Variants in PEAK1 observed in about 807,000 individuals in gnomAD.
The protein encoded by PEAK1 is inactive tyrosine-protein kinase PEAK1.
Under a neutral mutation model 124.7 loss-of-function variants are expected in PEAK1, and 54 were observed. The observed-to-expected ratio is 0.43, with a 90% CI of 0.35 to 0.54. PEAK1 has a LOEUF of 0.54. Among genes scored for constraint, PEAK1 ranks in the 20% least tolerant of loss-of-function variants. The probability of loss-of-function intolerance (pLI) is 0.01; values close to 1 mark genes in which losing one functional copy is unlikely to be tolerated. For synonymous variants in PEAK1, 719 were observed against 760.0 expected, an observed-to-expected ratio of 0.95 and a Z score of 0.89; for missense variants, 2,046 against 2,134.5, an observed-to-expected ratio of 0.96 and a Z score of 0.82.
intron 2 of PEAK1, among the ~76,000 whole-genome samples, chr15:77,295,352 T>C (rs1241969233): frequency 1.3e-5 from 2 of 152,200 alleles, no homozygotes; most frequent in Non-Finnish European, 1.5e-5. Context: ...AAAAAGACAT[T>C]TTAAAACAAA....
At chr15:77,258,542 G>A (rs1310066540) in intron 5 of PEAK1, among the ~76,000 whole-genome samples, 2 of 152,140 alleles carry the variant, frequency 1.3e-5, no homozygotes, top group Admixed American at 6.5e-5. Flanking sequence ...TGTTATTGGT[G>A]TATAAGAATG....
chr15:77,226,048 T>TATATATA (rs2059635759), intron 6 of PEAK1, among the ~76,000 whole-genome samples: 1 of 45,012 alleles, frequency 2.2e-5, no homozygotes, highest in Non-Finnish European at 4.6e-5. Context: ...TAAAGGGATA[T>TATATATA]ATATATATAT....
chr15:77,405,766 C>G (rs1405364689), intron 1 of PEAK1, among the ~76,000 whole-genome samples: 1 of 152,046 alleles, frequency 6.6e-6, no homozygotes, highest in Non-Finnish European at 1.5e-5. Context: ...CTGACAACTA[C>G]AAGTTGCATT....
At chr15:77,417,767 T>C in intron 1 of PEAK1, 1 of 985,382 alleles carries the variant, frequency 1.0e-6, no homozygotes, top group Non-Finnish European at 1.2e-6. Flanking sequence ...ATGAAGCAAA[T>C]GCTAATCTCA....
chr15:77,265,971 T>C (rs543043091), intron 5 of PEAK1, among the ~76,000 whole-genome samples: 27 of 152,156 alleles, frequency 1.8e-4, no homozygotes, highest in African/African-American at 4.1e-4. Context: ...ATGGATGAAA[T>C]TGGAAATCAT....
intron 5 of PEAK1, among the ~76,000 whole-genome samples, chr15:77,256,417 A>C (rs1280461398): frequency 1.3e-5 from 2 of 152,088 alleles, no homozygotes; most frequent in Non-Finnish European, 2.9e-5. Context: ...GGTAAAAAAA[A>C]AAAAATCATA....
chr15:77,304,512 G>C (rs1317105797), intron 2 of PEAK1, among the ~76,000 whole-genome samples: 2 of 141,744 alleles, frequency 1.4e-5, no homozygotes, highest in Non-Finnish European at 3.0e-5. Flanking sequence ...AAAGTGGCGC[G>C]ATCTCTGCTC....
At chr15:77,176,997 G>A (rs748067016) in intron 7 of PEAK1, among the ~76,000 whole-genome samples, 28 of 151,636 alleles carry the variant, frequency 1.8e-4, no homozygotes, top group Non-Finnish European at 3.5e-4. Context: ...CACTCTTTTT[G>A]CCCAGGCTGG....
At chr15:77,292,562 T>C (rs2063277984) in intron 2 of PEAK1, among the ~76,000 whole-genome samples, 1 of 151,418 alleles carries the variant, frequency 6.6e-6, no homozygotes, top group Non-Finnish European at 1.5e-5. Flanking sequence ...TTGTTTATAG[T>C]ATAAGAACCG....
In PEAK1 at chr15:77,273,114, C is replaced by T. The variant is rs118170276; in HGVS notation, c.-275+10769G>A. 4.6e-3 allele frequency among the ~76,000 whole-genome samples: 697 copies of T among 152,160 alleles called. 14 individuals are homozygous for T. In the East Asian group the frequency reaches 0.048, roughly 10 times the overall value. ...CAAAATTCGTAAAGAAGGAACATAC[C>T]TTAAGGTAATAAAAGCCATCTATGA... On this transcript the variant is annotated intron_variant, in intron 5 of 9. Coordinates refer to ENST00000682557, the MANE Select transcript of PEAK1 (RefSeq NM_001385026.1).
At chr15:77,409,033 T>G (rs949887707) in intron 1 of PEAK1, among the ~76,000 whole-genome samples, 1 of 152,162 alleles carries the variant, frequency 6.6e-6, no homozygotes, top group Non-Finnish European at 1.5e-5. Flanking sequence ...ATCATGCCAC[T>G]GCACTCCAGC....
In PEAK1 at chr15:77,264,235, G is replaced by C. The variant is rs894683934; in HGVS notation, c.-274-11709C>G. Among the ~76,000 whole-genome samples, 3 of 152,144 alleles carry C rather than the reference G, an allele frequency of 2.0e-5. No individual in the cohort carries two copies. In the East Asian group the frequency reaches 5.8e-4, roughly 29 times the overall value. ...TCTCTCACCACTCCTATTCAACATA[G>C]TGTTGGAAGTTCTGGCCAGGGCAAT... On this transcript the variant is annotated intron_variant, in intron 5 of 9. Coordinates refer to ENST00000682557, the MANE Select transcript of PEAK1 (RefSeq NM_001385026.1).
chr15:77,137,293 C>T (rs1322100372), intron 8 of PEAK1, among the ~76,000 whole-genome samples: 1 of 152,214 alleles, frequency 6.6e-6, no homozygotes, highest in Non-Finnish European at 1.5e-5. Flanking sequence ...CCTAGTGGAG[C>T]TGTGAGAAGA....
At chr15:77,375,876 G>A (rs2068974075) in intron 1 of PEAK1, among the ~76,000 whole-genome samples, 1 of 152,060 alleles carries the variant, frequency 6.6e-6, no homozygotes, top group African/African-American at 2.4e-5. Context: ...GCGGGTGCCT[G>A]TAGTCCCAGC....
At chr15:77,300,128 T>C (rs1384043927) in intron 2 of PEAK1, among the ~76,000 whole-genome samples, 1 of 152,198 alleles carries the variant, frequency 6.6e-6, no homozygotes, top group Non-Finnish European at 1.5e-5. Flanking sequence ...CCCTAGCACC[T>C]ACACCTTCCT....
At chr15:77,282,036 A>C (rs2062699797) in intron 5 of PEAK1, among the ~76,000 whole-genome samples, 2 of 152,218 alleles carry the variant, frequency 1.3e-5, no homozygotes, top group African/African-American at 4.8e-5. Flanking sequence ...ACAAAAGAAA[A>C]AACCAATCAA....
chr15:77,300,411 G>T (rs1458383972), intron 2 of PEAK1, among the ~76,000 whole-genome samples: 1 of 151,954 alleles, frequency 6.6e-6, no homozygotes, highest in African/African-American at 2.4e-5. Context: ...GAATATTCTG[G>T]TTTCATTTTA....
chr15:77,210,245 A>T (rs1010908831), intron 6 of PEAK1, among the ~76,000 whole-genome samples: 9 of 152,202 alleles, frequency 5.9e-5, no homozygotes, highest in African/African-American at 2.2e-4. Flanking sequence ...TATACCAGAG[A>T]TGTATATTAA....
At position 77,118,782 on chromosome 15, in the gene PEAK1, T is replaced by C. The variant is rs143175851; in HGVS notation, c.4078-3463A>G. Among the ~76,000 whole-genome samples, 935 of 152,280 alleles carry C rather than the reference T, an allele frequency of 6.1e-3. 5 individuals carry two copies. The highest frequency in any genetic ancestry group is 9.4e-3 in the Non-Finnish European group (636 of 68,010). On this transcript the variant is annotated intron_variant, in intron 9 of 9. Transcript: ENST00000682557. ...CAAAATTTAAAAATAGGAATAAAAA[T>C]AAACTAGAACTGGAATGGTCCTACA... is the stretch of plus-strand genomic sequence containing the variant.
Sources: allele counts gnomAD v4.1 joint callset (sites outside exome capture counted in the v4.1 genomes callset), GRCh38; gene constraint gnomAD v4.1.1; transcripts MANE v1.5; gene names NCBI Gene and HGNC (gene_info 2026-07-23, HGNC 2026-07-21).